Variants in DACH2 observed in about 807,000 individuals in gnomAD.
The protein encoded by DACH2 is dachshund homolog 2.
DACH2 carries 17 observed loss-of-function variants against 35.8 expected under a neutral mutation model. The ratio of observed to expected loss-of-function variants is 0.48; its 90% CI spans 0.33 to 0.71. The LOEUF is 0.71. Ranked by LOEUF, DACH2 falls within the 30% of genes least tolerant of loss-of-function variation. The probability of loss-of-function intolerance (pLI) is 0.02; values close to 1 mark genes in which losing one functional copy is unlikely to be tolerated. For missense variants in DACH2, 469 were observed against 472.7 expected (o/e 0.99, Z 0.07); for synonymous variants, 195 against 177.3 (o/e 1.10, Z -0.79).
At chrX:86,431,576 G>C in intron 2 of DACH2, among the ~76,000 whole-genome samples, 1 of 111,503 alleles carries the variant, frequency 9.0e-6, no homozygotes, top group Non-Finnish European at 1.9e-5. Context: ...TTCTTTAAAT[G>C]CATGTGTCCG....
intron 1 of DACH2, among the ~76,000 whole-genome samples, chrX:86,349,463 T>G (rs1476223852): frequency 1.8e-5 from 2 of 111,689 alleles, no homozygotes; most frequent in Admixed American, 1.9e-4. Flanking sequence ...AATGCAACCT[T>G]TGGGTGCGAA....
chrX:86,405,437 C>T (rs113610906), intron 2 of DACH2, among the ~76,000 whole-genome samples: 3,392 of 111,446 alleles, frequency 0.03, 51 homozygotes, highest in Middle Eastern at 0.047. Context: ...GGAAGAATGA[C>T]CCTTACTCTA....
chrX:86,721,229 A>G (rs2041403438), intron 6 of DACH2, among the ~76,000 whole-genome samples: 1 of 112,396 alleles, frequency 8.9e-6, no homozygotes. Context: ...GCAGCTGGCT[A>G]CAATTCCTCT....
chrX:86,186,453 T>C (rs745433175), intron 1 of DACH2, among the ~76,000 whole-genome samples: 3 of 112,287 alleles, frequency 2.7e-5, no homozygotes, highest in Non-Finnish European at 5.6e-5. Context: ...AAATGAAGAA[T>C]ATTATTTCAG....
intron 1 of DACH2, among the ~76,000 whole-genome samples, chrX:86,313,146 C>T (rs2034832327): frequency 1.8e-5 from 2 of 110,860 alleles, no homozygotes; most frequent in Admixed American, 1.9e-4. Flanking sequence ...CATCACACTG[C>T]ACCCCATAAA....
chrX:86,655,555 A>T (rs768842394), intron 4 of DACH2, among the ~76,000 whole-genome samples: 67 of 111,991 alleles, frequency 6.0e-4, no homozygotes, highest in African/African-American at 2.1e-3. Flanking sequence ...AAACCACTCC[A>T]TGAGGGATTA....
chrX:86,693,187 G>C (rs2041029391), intron 4 of DACH2, among the ~76,000 whole-genome samples: 2 of 111,791 alleles, frequency 1.8e-5, no homozygotes, highest in South Asian at 7.5e-4. Flanking sequence ...AATGATTTCT[G>C]GTCCATTAAA....
chrX:86,829,473 C>A (rs2042593422), intron 11 of DACH2: 1 of 112,128 alleles, frequency 8.9e-6, no homozygotes, highest in African/African-American at 3.2e-5. Flanking sequence ...TATGAGGACT[C>A]CTCATGTGTA....
intron 1 of DACH2, among the ~76,000 whole-genome samples, chrX:86,271,101 C>T (rs1459069456): frequency 1.8e-5 from 2 of 110,945 alleles, no homozygotes; most frequent in African/African-American, 3.3e-5. Context: ...TGAAGATGTA[C>T]AAAAAATTAG....
chrX:86,348,397 T>C (rs1397873176), intron 1 of DACH2, among the ~76,000 whole-genome samples: 1 of 112,232 alleles, frequency 8.9e-6, no homozygotes, highest in Non-Finnish European at 1.9e-5. Context: ...AACTCTTGTA[T>C]ATAAAACAAT....
chrX:86,175,068 T>C (rs1183650844), intron 1 of DACH2, among the ~76,000 whole-genome samples: 1 of 111,282 alleles, frequency 9.0e-6, no homozygotes, highest in Non-Finnish European at 1.9e-5. Context: ...ACAGGAGATA[T>C]ATGCTTAGGA....
Position 86,766,740 on chromosome X carries a change from T to G in DACH2, c.1240+26858T>G, listed in dbSNP as rs147906727. ...CAATTACTGGAATATTTTACCAGTA[T>G]TCATATTTTCTCCATGTTATATTCC... On this transcript the variant is annotated intron_variant, in intron 7 of 11. Transcript: ENST00000373125. Among the ~76,000 whole-genome samples the G allele has an allele frequency of 2.5e-3, 282 of 112,088 alleles. 2 individuals carry two copies. The highest frequency in any genetic ancestry group is 8.5e-3 in the African/African-American group (262 of 30,952).
chrX:86,685,821 G>A (rs1011474721), intron 4 of DACH2, among the ~76,000 whole-genome samples: 13 of 110,493 alleles, frequency 1.2e-4, no homozygotes, highest in African/African-American at 4.0e-4. Flanking sequence ...CTGTCAGGAA[G>A]ACAGCACGAA....
At chrX:86,610,749 C>G (rs1044299933) in intron 3 of DACH2, among the ~76,000 whole-genome samples, 3 of 110,471 alleles carry the variant, frequency 2.7e-5, no homozygotes, top group African/African-American at 9.9e-5. Flanking sequence ...GCCTAGTCGC[C>G]AAGGGTTCTT....
At chrX:86,173,998 A>C (rs1161211107) in intron 1 of DACH2, among the ~76,000 whole-genome samples, 7 of 111,230 alleles carry the variant, frequency 6.3e-5, no homozygotes, top group African/African-American at 2.3e-4. Flanking sequence ...GAGAAAGAAA[A>C]GAGTCACGAA....
intron 1 of DACH2, among the ~76,000 whole-genome samples, chrX:86,182,784 G>A (rs747987015): frequency 1.7e-3 from 150 of 87,414 alleles, no homozygotes; most frequent in Non-Finnish European, 2.6e-3. Context: ...CCATTTTCAC[G>A]ATATTGATAC....
At position 86,406,837 on chromosome X, in the gene DACH2, C is replaced by A. The variant is rs2036535187; in HGVS notation, c.527+29975C>A. On this transcript the variant is annotated intron_variant, in intron 2 of 11. Transcript: ENST00000373125. ...TCATATATGTCTTCTGGTCCAGGAT[C>A]TAAAGAATATTCTTAGATCTAAATT... 3.6e-5 allele frequency among the ~76,000 whole-genome samples: 4 copies of A among 111,774 alleles called. No homozygotes were observed. In the South Asian group the frequency reaches 1.5e-3, roughly 41 times the overall value.
At chrX:86,297,613 A>C (rs2148009339) in intron 1 of DACH2, among the ~76,000 whole-genome samples, 1 of 112,113 alleles carries the variant, frequency 8.9e-6, no homozygotes, top group African/African-American at 3.2e-5. Context: ...TCAGGGGCTA[A>C]GTGTGTTAAA....
chrX:86,178,517 A>C (rs1602257605), intron 1 of DACH2, among the ~76,000 whole-genome samples: 1 of 111,102 alleles, frequency 9.0e-6, no homozygotes, highest in Non-Finnish European at 1.9e-5. Context: ...TATTATAATT[A>C]AATGTATTTA....
Sources: gnomAD v4.1 joint callset for allele counts (sites outside exome capture counted in the v4.1 genomes callset) on GRCh38, gnomAD v4.1.1 for gene constraint, MANE v1.5 for transcripts, NCBI Gene and HGNC (gene_info 2026-07-23, HGNC 2026-07-21) for gene names.